The following PRSS35 variants were observed in gnomAD, a reference collection of about 807,000 sequenced individuals.
PRSS35 encodes inactive serine protease 35.
A neutral mutation model predicts 8.1 loss-of-function variants in PRSS35; 7 were observed. The ratio of observed to expected loss-of-function variants is 0.86; its 90% CI spans 0.49 to 1.62. The LOEUF is 1.62. PRSS35 is among the 40% of genes most tolerant of loss of function. PRSS35 has a pLI of 0.00. For synonymous variants in PRSS35, 199 were observed against 188.7 expected (o/e 1.05, Z -0.45); for missense variants, 566 against 518.0 (o/e 1.09, Z -0.90).
At chr6:83,522,378 GT>G (rs1309441880) in intron 1 of PRSS35, among the ~76,000 whole-genome samples, 3 of 152,060 alleles carry the variant, frequency 2.0e-5, no homozygotes, top group Non-Finnish European at 2.9e-5. Context: ...ATAGATACAT[GT>G]ACATGCCAGT....
chr6:83,522,945 T>TTACA (rs1771848961), intron 1 of PRSS35, among the ~76,000 whole-genome samples: 1 of 152,248 alleles, frequency 6.6e-6, no homozygotes, highest in Admixed American at 6.5e-5. Flanking sequence ...TGCTAGGCAG[T>TTACA]TACAGTCTAG....
At chr6:83,523,277 C>A in intron 1 of PRSS35, 145 bp from the exon 2 acceptor site, 1 of 655,112 alleles carries the variant, frequency 1.5e-6, no homozygotes, top group South Asian at 2.0e-5. Flanking sequence ...CAGTGTTTAT[C>A]TAATCTCAAT....
In PRSS35 at chr6:83,523,927, GCATGTTCTAACTGC is replaced by G. The variant is rs752733189; in HGVS notation, c.487_500del (p.His163CysfsTer6). The G allele has an allele frequency of 1.2e-6, 2 of 1,614,130 alleles. No homozygotes were observed. The highest frequency in any genetic ancestry group is 4.5e-5 in the East Asian group (2 of 44,874). On this transcript the variant is annotated frameshift_variant, in exon 2 of 2. Coordinates refer to ENST00000369700, the MANE Select transcript of PRSS35 (RefSeq NM_153362.3). LOFTEE classifies it low-confidence loss of function (END_TRUNC). Reference sequence around the variant, plus strand: ...GTAGTGGCATTCTCATTTCCCCTCAGCATGTTCTAACTGCTGCCCACTGTGTTCATGATGGAAAG... The same window carrying G: ...GTAGTGGCATTCTCATTTCCCCTCAGTGCCCACTGTGTTCATGATGGAAAG...
chr6:83,524,226 G>T lies in PRSS35; in HGVS notation c.785G>T (p.Gly262Val), dbSNP rs1771885547. ...TRVKNTHIPK[G>V]WARGGMGDAT... ...GTCAAGAATACCCACATTCCGAAGG[G>T]CTGGGCACGAGGAGGCATGGGGGAC... The change falls in exon 2 of 2, where the codon GGC becomes GTC. Residue 262 changes from glycine to valine, a missense_variant. Transcript: ENST00000369700. 2 of 1,614,112 alleles carry T rather than the reference G, an allele frequency of 1.2e-6. No homozygotes were observed. The highest frequency in any genetic ancestry group is 1.7e-6 in the Non-Finnish European group (2 of 1,180,030).
intron 1 of PRSS35, among the ~76,000 whole-genome samples, chr6:83,518,550 A>G (rs890558555): frequency 6.6e-6 from 1 of 152,092 alleles, no homozygotes; most frequent in Non-Finnish European, 1.5e-5. Flanking sequence ...GAAATGAGTA[A>G]TTAGGAAAGC....
intron 1 of PRSS35, among the ~76,000 whole-genome samples, chr6:83,516,923 T>A (rs1190209374): frequency 6.6e-6 from 1 of 152,202 alleles, no homozygotes; most frequent in Admixed American, 6.5e-5. Flanking sequence ...ATCGTATTTG[T>A]AAAGTCTCTT....
intron 1 of PRSS35, among the ~76,000 whole-genome samples, chr6:83,518,320 T>A (rs1300790951): frequency 6.6e-6 from 1 of 152,224 alleles, no homozygotes; most frequent in Non-Finnish European, 1.5e-5. Flanking sequence ...GTTGTTTTTT[T>A]TTCATTGTAG....
chr6:83,517,468 T>G (rs962860777), intron 1 of PRSS35, among the ~76,000 whole-genome samples: 1 of 152,240 alleles, frequency 6.6e-6, no homozygotes, highest in Admixed American at 6.5e-5. Flanking sequence ...CAAATAAAAC[T>G]GACTATGAAA....
intron 1 of PRSS35, among the ~76,000 whole-genome samples, chr6:83,523,013 C>T (rs148046431): frequency 7.7e-4 from 117 of 152,266 alleles, no homozygotes; most frequent in African/African-American, 2.8e-3. Context: ...AAGACTGCAG[C>T]ACATTTGCTT....
intron 1 of PRSS35, among the ~76,000 whole-genome samples, chr6:83,515,770 C>G (rs1444925319): frequency 6.6e-6 from 1 of 152,120 alleles, no homozygotes; most frequent in Non-Finnish European, 1.5e-5. Context: ...GTGTGAGGCA[C>G]CGCGCCCGGC....
At chr6:83,516,570 C>T (rs1380899992) in intron 1 of PRSS35, among the ~76,000 whole-genome samples, 2 of 95,802 alleles carry the variant, frequency 2.1e-5, no homozygotes, top group African/African-American at 8.2e-5. Context: ...AGAGAGACTG[C>T]GTCTCAAAAA....
intron 1 of PRSS35, among the ~76,000 whole-genome samples, chr6:83,516,070 C>T (rs1771707422): frequency 6.6e-6 from 1 of 151,846 alleles, no homozygotes. Flanking sequence ...CCACCTAGGC[C>T]TCCCAAACTG....
chr6:83,523,851 G>C lies in PRSS35; in HGVS notation c.410G>C (p.Arg137Thr), dbSNP rs148479497. The C allele has an allele frequency of 6.2e-7, 1 of 1,614,158 alleles. No homozygotes were observed. Among genetic ancestry groups the C allele is most frequent in the Non-Finnish European group, 8.5e-7 (1 of 1,180,014 alleles). The change falls in exon 2 of 2, where the codon AGG becomes ACG. Residue 137 changes from arginine (R) to threonine (T), a missense_variant. Coordinates refer to ENST00000369700, the MANE Select transcript of PRSS35 (RefSeq NM_153362.3). ...AGCAGGTTCAGCATCTTGGACAAAAGGTTCTTAACCAATTTCCCTTTCAGC... is the reference window on the plus strand; with the variant it reads ...AGCAGGTTCAGCATCTTGGACAAAACGTTCTTAACCAATTTCCCTTTCAGC... ...TDSRFSILDK[R>T]FLTNFPFSTA...
rs1771881956 is a variant in PRSS35 at position 83,524,164 on chromosome 6, G to A, written c.723G>A (p.Arg241=). The part of the protein sequence containing the change: ...RRRKKSGRGQ[R]IAEGRPSFQW... ...GAAAAAAATCTGGCCGGGGTCAGAGGATTGCCGAAGGGAGGCCTTCCTTTC... is the reference window on the plus strand; with the variant it reads ...GAAAAAAATCTGGCCGGGGTCAGAGAATTGCCGAAGGGAGGCCTTCCTTTC... Residue 241 remains arginine, a synonymous_variant, in exon 2 of 2, where the codon AGG becomes AGA. Coordinates refer to ENST00000369700, the MANE Select transcript of PRSS35 (RefSeq NM_153362.3). 6.2e-7 allele frequency: 1 copy of A among 1,614,130 alleles called. No homozygotes were observed. The highest frequency in any genetic ancestry group is 8.5e-7 in the Non-Finnish European group (1 of 1,180,026).
At chr6:83,523,057 T>C (rs948534786) in intron 1 of PRSS35, among the ~76,000 whole-genome samples, 22 of 152,198 alleles carry the variant, frequency 1.4e-4, no homozygotes, top group Non-Finnish European at 3.2e-4. Flanking sequence ...GGATAAAAAG[T>C]TGTAGGATAT....
At position 83,525,419 on chromosome 6, in the gene PRSS35, TTAAC is replaced by T. The variant is rs1266420753; in HGVS notation, c.*740_*743del. 6.0e-6 allele frequency: 1 copy of T among 167,082 alleles called. No homozygotes were observed. The highest frequency in any genetic ancestry group is 1.5e-5 in the Non-Finnish European group (1 of 68,130). The allele number at this position is 167,082 out of a possible 1,614,324, so 10.3% of individuals were successfully genotyped here. A position where few individuals can be genotyped will look rare whatever the true frequency, so the allele number is the denominator to read the frequency against. ...ACATTTTAAGATCTCAAGTTTTTAT[TTAAC>T]TAATACTCAAAATATGGACTTTTCA... On this transcript the variant is annotated 3_prime_UTR_variant, in exon 2 of 2. Coordinates refer to ENST00000369700, the MANE Select transcript of PRSS35 (RefSeq NM_153362.3).
At chr6:83,513,709 G>C (rs1008657987) in intron 1 of PRSS35, among the ~76,000 whole-genome samples, 3 of 152,044 alleles carry the variant, frequency 2.0e-5, no homozygotes, top group African/African-American at 7.2e-5. Context: ...TGGTAGATGT[G>C]GATACTGTAC....
At chr6:83,520,682 A>G (rs1771805295) in intron 1 of PRSS35, among the ~76,000 whole-genome samples, 1 of 152,202 alleles carries the variant, frequency 6.6e-6, no homozygotes, top group Admixed American at 6.5e-5. Context: ...AAAATTTCCA[A>G]AGTATTGTCC....
chr6:83,516,426 A>T (rs1391109122), intron 1 of PRSS35, among the ~76,000 whole-genome samples: 3 of 151,734 alleles, frequency 2.0e-5, no homozygotes, highest in Admixed American at 6.6e-5. Flanking sequence ...TACAAAAAAA[A>T]TTAGCCGGGC....
Sources: allele counts gnomAD v4.1 joint callset (sites outside exome capture counted in the v4.1 genomes callset), GRCh38; gene constraint gnomAD v4.1.1; transcripts MANE v1.5; gene names NCBI Gene and HGNC (gene_info 2026-07-23, HGNC 2026-07-21).